Variants in ZC3H3 observed in about 807,000 individuals in gnomAD.
The protein encoded by ZC3H3 is zinc finger CCCH domain-containing protein 3.
Under a neutral mutation model 77.3 loss-of-function variants are expected in ZC3H3, and 36 were observed. The observed-to-expected ratio is 0.47, with a 90% confidence interval of 0.36 to 0.61. The LOEUF is 0.61. Ranked by LOEUF, ZC3H3 falls within the 20% of genes least tolerant of loss-of-function variation. The pLI, the probability that ZC3H3 is intolerant of heterozygous loss-of-function variation, is 0.00. For synonymous variants in ZC3H3, 626 were observed against 555.2 expected, an observed-to-expected ratio of 1.13 and a Z score of -1.79; for missense variants, 1,331 against 1,312.2, an observed-to-expected ratio of 1.01 and a Z score of -0.22.
intron 3 of ZC3H3, among the ~76,000 whole-genome samples, chr8:143,514,318 C>T (rs1821963717): frequency 2.0e-5 from 3 of 152,186 alleles, no homozygotes; most frequent in Non-Finnish European, 4.4e-5. Flanking sequence ...CCCACCCGGG[C>T]TGCCACCGCA....
In ZC3H3 at chr8:143,475,480, G is replaced by A. The variant is rs761060311; in HGVS notation, c.1821C>T (p.Val607=). Residue 607 remains valine (V), a synonymous_variant, in exon 5 of 12, where the codon GTC becomes GTT. Transcript: ENST00000262577. ...RSKGYRCIGG[V]LYKVSANKLS... is the part of the protein sequence containing the mutation. Reference sequence around the variant, plus strand: ...GCTTGTTGGCAGATACTTTGTAGAGGACCCCTCCGATGCAGCGGTAGCCTT... The same window carrying A: ...GCTTGTTGGCAGATACTTTGTAGAGAACCCCTCCGATGCAGCGGTAGCCTT... 5.6e-6 allele frequency: 9 copies of A among 1,613,144 alleles called. No homozygotes were observed. In the Admixed American group the frequency reaches 1.0e-4, roughly 18 times the overall value.
At position 143,525,441 on chromosome 8, in the gene ZC3H3, C is replaced by G. The variant is rs35532688; in HGVS notation, c.1561+10816G>C. Among the ~76,000 whole-genome samples the G allele has an allele frequency of 8.4e-3, 1,285 of 152,354 alleles. 10 individuals are homozygous for G. The highest frequency in any genetic ancestry group is 0.029 in the African/African-American group (1,215 of 41,570). On this transcript the variant is annotated intron_variant, in intron 3 of 11. Transcript: ENST00000262577. ...ACACATGGCCCAGCCCTTTCCAGAA[C>G]AGCTGAGCCCAGAGACTCTGTGTCC...
chr8:143,509,637 T>C (rs1821812042), intron 3 of ZC3H3, among the ~76,000 whole-genome samples: 2 of 152,162 alleles, frequency 1.3e-5, no homozygotes, highest in African/African-American at 4.8e-5. Context: ...ACGCAGAGCC[T>C]GGGGCGATGC....
At chr8:143,473,768 G>A (rs960776119) in intron 5 of ZC3H3, among the ~76,000 whole-genome samples, 4 of 152,334 alleles carry the variant, frequency 2.6e-5, no homozygotes, top group Admixed American at 1.3e-4. Context: ...CCTGCTGCTG[G>A]CCCCGGGAGC....
rs1481297092 is a variant in ZC3H3 at position 143,475,428 on chromosome 8, C to T, written c.1873G>A (p.Asp625Asn). ...KLSKTSGQPS[D>N]AGSRPLLRTG... ...CGCAGGAGGGGCCTGCTGCCCGCAT[C>T]ACTGGGCTGGCCGGAGGTCTTGGAG... Residue 625 changes from aspartate (D) to asparagine (N), a missense_variant, in exon 5 of 12, where the codon GAT becomes AAT. Asp to Asn is a conservative substitution (Grantham distance 23). Coordinates refer to ENST00000262577, the MANE Select transcript of ZC3H3 (RefSeq NM_015117.3). The T allele has an allele frequency of 3.0e-5, 48 of 1,613,006 alleles. No homozygotes were observed. The highest frequency in any genetic ancestry group is 4.0e-5 in the Non-Finnish European group (47 of 1,179,926).
In ZC3H3 at chr8:143,479,068, G is replaced by A. The variant is rs541249795; in HGVS notation, c.1716-3483C>T. Among the ~76,000 whole-genome samples the A allele has an allele frequency of 7.5e-4, 114 of 152,324 alleles. 1 individual carries two copies. The highest frequency in any genetic ancestry group is 2.6e-3 in the African/African-American group (109 of 41,578). ...CCGGGAATGGGGCAGGGCGCTTCCT[G>A]GTGCTCAGCACACCTAGCCCAAGAG... On this transcript the variant is annotated intron_variant, in intron 4 of 11. Coordinates refer to ENST00000262577, the MANE Select transcript of ZC3H3 (RefSeq NM_015117.3).
chr8:143,474,676 C>CA (rs1351453320), intron 5 of ZC3H3, among the ~76,000 whole-genome samples: 1 of 152,236 alleles, frequency 6.6e-6, no homozygotes, highest in African/African-American at 2.4e-5. Flanking sequence ...GGGGAGCCAG[C>CA]ATGGCCCAGC....
chr8:143,509,744 C>T (rs951779632), intron 3 of ZC3H3, among the ~76,000 whole-genome samples: 2 of 152,166 alleles, frequency 1.3e-5, no homozygotes, highest in African/African-American at 2.4e-5. Context: ...GGGCCACACT[C>T]GGGACACTGG....
intron 9 of ZC3H3, among the ~76,000 whole-genome samples, chr8:143,457,203 C>T (rs1258225583): frequency 6.6e-6 from 1 of 152,132 alleles, no homozygotes; most frequent in Non-Finnish European, 1.5e-5. Context: ...ATAAAACAAA[C>T]CGTGAGAAAC....
Position 143,438,041 on chromosome 8 carries a change from C to T in ZC3H3, c.*15G>A, listed in dbSNP as rs754205521. On this transcript the variant is annotated 3_prime_UTR_variant, in exon 12 of 12. Coordinates refer to ENST00000262577, the MANE Select transcript of ZC3H3 (RefSeq NM_015117.3). ...ATGAGGGTCTGAGGTAGGTGCAGGCCGGTCCCTGGGGTCCTCACAGACGTG... is the reference window on the plus strand; with the variant it reads ...ATGAGGGTCTGAGGTAGGTGCAGGCTGGTCCCTGGGGTCCTCACAGACGTG... The T allele has an allele frequency of 1.6e-5, 26 of 1,609,572 alleles. No homozygotes were observed. The highest frequency in any genetic ancestry group is 2.0e-5 in the Non-Finnish European group (24 of 1,178,286).
chr8:143,448,335 T>C (rs2129808227), intron 9 of ZC3H3, among the ~76,000 whole-genome samples: 1 of 151,770 alleles, frequency 6.6e-6, no homozygotes, highest in East Asian at 1.9e-4. Flanking sequence ...AGGCAAGTCC[T>C]TTCTACCTAT....
intron 4 of ZC3H3, among the ~76,000 whole-genome samples, chr8:143,498,971 C>T (rs371543072): frequency 5.5e-5 from 8 of 146,710 alleles, no homozygotes; most frequent in African/African-American, 1.0e-4. Context: ...AAGAGGGGCA[C>T]AGGGCGGGCA....
At chr8:143,478,029 A>G (rs1047276696) in intron 4 of ZC3H3, among the ~76,000 whole-genome samples, 3 of 151,742 alleles carry the variant, frequency 2.0e-5, no homozygotes, top group African/African-American at 7.3e-5. Flanking sequence ...GAAGCACCCA[A>G]TCCTGCATGC....
At chr8:143,475,352 T>C (rs767385698) in intron 5 of ZC3H3, 46 bp downstream of exon 5, 19 of 1,582,446 alleles carry the variant, frequency 1.2e-5, no homozygotes, top group Non-Finnish European at 1.5e-5. Flanking sequence ...CACCACACGC[T>C]AGCCGGTCGG....
rs1216233657 is a variant in ZC3H3, at chr8:143,460,172, C to T, written c.2307+5545G>A. ...CTGAGGCAGGAGAATCACTCGAACC[C>T]GGGAGGCGGAAGTTGCAGTGAGCCG... On this transcript the variant is annotated intron_variant, in intron 9 of 11. Transcript: ENST00000262577. This position sits in a 1 kb window ranked among gnomAD's most constrained non-coding sequence, Gnocchi z 4.0. Among the ~76,000 whole-genome samples the T allele has an allele frequency of 2.6e-5, 4 of 151,672 alleles. No individual in the cohort carries two copies. The highest frequency in any genetic ancestry group is 7.3e-5 in the African/African-American group (3 of 41,228).
At chr8:143,478,870 T>TA (rs975259943) in intron 4 of ZC3H3, among the ~76,000 whole-genome samples, 2 of 151,862 alleles carry the variant, frequency 1.3e-5, no homozygotes, top group African/African-American at 2.4e-5. Flanking sequence ...TCTTCCCTCC[T>TA]AAAAAAAACA....
In ZC3H3 at chr8:143,480,305, C is replaced by T. The variant is rs1307291673; in HGVS notation, c.1716-4720G>A. ...CACAGCCTGCCAGCTGCCAGGCTCC[C>T]GGGCCTGCAAGCCCTGGCCTGGGCC... On this transcript the variant is annotated intron_variant, in intron 4 of 11. Transcript: ENST00000262577. 2.6e-5 allele frequency among the ~76,000 whole-genome samples: 4 copies of T among 152,346 alleles called. No individual in the cohort carries two copies. In the East Asian group the frequency reaches 7.7e-4, roughly 29 times the overall value.
At chr8:143,450,690 A>G (rs529191853) in intron 9 of ZC3H3, among the ~76,000 whole-genome samples, 2 of 152,270 alleles carry the variant, frequency 1.3e-5, no homozygotes, top group African/African-American at 4.8e-5. Flanking sequence ...GGTGCTACAC[A>G]CTTTTAAACA....
At chr8:143,469,564 G>A (rs1362798537) in intron 5 of ZC3H3, among the ~76,000 whole-genome samples, 1 of 152,144 alleles carries the variant, frequency 6.6e-6, no homozygotes, top group Non-Finnish European at 1.5e-5. Context: ...CCGCCTTTCT[G>A]AAACCGCACA....
Sources: gnomAD v4.1 joint callset for allele counts (sites outside exome capture counted in the v4.1 genomes callset) on GRCh38, gnomAD v4.1.1 for gene constraint, Gnocchi (gnomAD v3.1) non-coding constraint, MANE v1.5 for transcripts, NCBI Gene and HGNC (gene_info 2026-07-23, HGNC 2026-07-21) for gene names.